The following GAL variants were observed in gnomAD, a reference collection of about 807,000 sequenced individuals.
The protein encoded by GAL is galanin and GMAP prepropeptide.
GAL carries 14 observed loss-of-function variants against 15.8 expected under a neutral mutation model. The ratio of observed to expected loss-of-function variants is 0.89; its 90% CI spans 0.59 to 1.39. The LOEUF is 1.39. Among genes scored for constraint, GAL ranks in the 40% most tolerant of loss-of-function variants. GAL has a pLI of 0.00. For missense variants in GAL, 176 were observed against 170.4 expected, an observed-to-expected ratio of 1.03 and a Z score of -0.18; for synonymous variants, 79 against 73.8, an observed-to-expected ratio of 1.07 and a Z score of -0.36.
At chr11:68,685,903 C>T (rs932410440) in intron 3 of GAL, among the ~76,000 whole-genome samples, 2 of 152,184 alleles carry the variant, frequency 1.3e-5, no homozygotes, top group South Asian at 2.1e-4. Context: ...TGGGCTTTCC[C>T]GCCTTGCAGT....
At chr11:68,685,317 C>T (rs1945841394) in intron 2 of GAL, among the ~76,000 whole-genome samples, 1 of 152,260 alleles carries the variant, frequency 6.6e-6, no homozygotes, top group African/African-American at 2.4e-5. Flanking sequence ...GAATGGAGGG[C>T]TAGGAGCCAC....
chr11:68,688,771 C>T lies in GAL; in HGVS notation c.224-78C>T, dbSNP rs545582028. On this transcript the variant is annotated intron_variant, in intron 4 of 5. Transcript: ENST00000265643. ...TCATTGACCTTGCAGCGCCCAGCTC[C>T]TCTGTAGGGAGGGGGATGACCTGAG... 7 of 763,432 alleles carry T rather than the reference C, an allele frequency of 9.2e-6. No homozygotes were observed. In the South Asian group the frequency reaches 1.0e-4, roughly 11 times the overall value. 47.3% of individuals were successfully genotyped at this position (763,432 alleles called of 1,614,324 possible). A position where few individuals can be genotyped will look rare whatever the true frequency, so the allele number is the denominator to read the frequency against.
Position 68,690,937 on chromosome 11 carries a change from C to T in GAL, c.322C>T (p.Leu108Phe). 3 of 1,613,256 alleles carry T rather than the reference C, an allele frequency of 1.9e-6. No homozygotes were observed. Among genetic ancestry groups the T allele is most frequent in the East Asian group, 2.2e-5 (1 of 44,874 alleles). Residue 108 changes from leucine (L) to phenylalanine (F), a missense_variant, in exon 6 of 6, where the codon CTC (leucine) becomes TTC (phenylalanine). Leu to Phe is a conservative substitution (Grantham distance 22, BLOSUM62 0). Coordinates refer to ENST00000265643, the MANE Select transcript of GAL (RefSeq NM_015973.5). Reference sequence around the variant, plus strand: ...TGCAGAGGCCGGTGCCCTCGACCGCCTCCTGGATCTCCCCGCCGCAGCCTC... The same window carrying T: ...TGCAGAGGCCGGTGCCCTCGACCGCTTCCTGGATCTCCCCGCCGCAGCCTC... ...HLKEAGALDR[L>F]LDLPAAASSE... is the part of the protein sequence containing the mutation.
At chr11:68,689,849 G>A (rs1945888853) in intron 5 of GAL, among the ~76,000 whole-genome samples, 1 of 152,206 alleles carries the variant, frequency 6.6e-6, no homozygotes, top group African/African-American at 2.4e-5. Context: ...CAAACACTGG[G>A]GATGAGGAGA....
chr11:68,686,036 C>G (rs1443867825), intron 3 of GAL, among the ~76,000 whole-genome samples: 1 of 152,208 alleles, frequency 6.6e-6, no homozygotes, highest in Non-Finnish European at 1.5e-5. Flanking sequence ...TTCCCTTTCT[C>G]CAAGCTCCAC....
At chr11:68,687,141 A>G (rs1945861233) in intron 3 of GAL, among the ~76,000 whole-genome samples, 1 of 152,138 alleles carries the variant, frequency 6.6e-6, no homozygotes, top group South Asian at 2.1e-4. Context: ...CTATAAATTT[A>G]GCACCAAGAA....
intron 5 of GAL, among the ~76,000 whole-genome samples, chr11:68,689,445 C>A (rs530949510): frequency 1.4e-3 from 210 of 151,638 alleles, no homozygotes; most frequent in African/African-American, 5.0e-3. Flanking sequence ...CGCCCAGGCT[C>A]GAATGTAGTG....
chr11:68,685,527 G>T, intron 2 of GAL, 67 bp from the exon 3 acceptor site: 1 of 1,080,918 alleles, frequency 9.3e-7, no homozygotes, highest in East Asian at 2.4e-5. Flanking sequence ...GGGAAAGCCT[G>T]GGTGCACCCA....
intron 2 of GAL, 152 bp from the exon 3 acceptor site, chr11:68,685,442 C>T (rs1261249695): frequency 7.7e-6 from 5 of 650,918 alleles, no homozygotes; most frequent in Middle Eastern, 2.5e-4. Flanking sequence ...TCAAATATAG[C>T]CGACTTAGGG....
intron 2 of GAL, 103 bp from the exon 3 acceptor site, chr11:68,685,491 C>A: frequency 2.5e-6 from 2 of 787,458 alleles, no homozygotes; most frequent in Non-Finnish European, 2.3e-6. Flanking sequence ...AAAGCACATG[C>A]ATTGTTCTAA....
At chr11:68,689,509 G>A (rs941632136) in intron 5 of GAL, among the ~76,000 whole-genome samples, 2 of 151,902 alleles carry the variant, frequency 1.3e-5, no homozygotes, top group African/African-American at 4.8e-5. Flanking sequence ...TGATTCTCGT[G>A]CCTCTTCTTC....
At chr11:68,685,979 G>A (rs947411914) in intron 3 of GAL, among the ~76,000 whole-genome samples, 1 of 152,098 alleles carries the variant, frequency 6.6e-6, no homozygotes, top group Non-Finnish European at 1.5e-5. Context: ...CAACTCCTCG[G>A]CTTGCAGAGC....
chr11:68,684,947 G>GCTCGCCTCCCTCCTC lies in GAL; in HGVS notation c.31_45dup (p.Ser11_Ala15dup). 1.2e-6 allele frequency: 2 copies of GCTCGCCTCCCTCCTC among 1,609,074 alleles called. No homozygotes were observed. Among genetic ancestry groups the GCTCGCCTCCCTCCTC allele is most frequent in the African/African-American group, 1.3e-5 (1 of 74,928 alleles). On this transcript the variant is annotated inframe_insertion, in exon 2 of 6. Coordinates refer to ENST00000265643, the MANE Select transcript of GAL (RefSeq NM_015973.5). ...AGATGGCCCGAGGCAGCGCCCTCCT[G>GCTCGCCTCCCTCCTC]CTCGCCTCCCTCCTCCTCGCCGCGG...
rs558795663 is a variant in GAL at position 68,687,938 on chromosome 11, T to C, written c.137-76T>C. On this transcript the variant is annotated intron_variant, in intron 3 of 5. Coordinates refer to ENST00000265643, the MANE Select transcript of GAL (RefSeq NM_015973.5). The stretch of plus-strand genomic sequence containing the variant: ...TGTGTGTGTTGGCTACAGGCAGCCC[T>C]GTGTCCTTCTTTGGGTGTGGGGAGG... 6.0e-5 allele frequency: 53 copies of C among 887,736 alleles called. No individual in the cohort carries two copies. The African/African-American group carries it at 8.5e-4, about 14-fold the overall frequency. 55.0% of individuals were successfully genotyped at this position (887,736 alleles called of 1,614,324 possible).
In GAL at chr11:68,684,902, C is replaced by T. The variant is rs185026810; in HGVS notation, c.1-22C>T. ...CAGCCCACTCCGGGTTCCGACCCGC[C>T]CGCCCTGTCCTTCCCTTCCAGATGG... is the stretch of plus-strand genomic sequence containing the variant. On this transcript the variant is annotated intron_variant, in intron 1 of 5. Coordinates refer to ENST00000265643, the MANE Select transcript of GAL (RefSeq NM_015973.5). 6.5e-3 allele frequency: 10,045 copies of T among 1,540,934 alleles called. 49 individuals carry two copies. The highest frequency in any genetic ancestry group is 8.3e-3 in the Non-Finnish European group (9,353 of 1,121,676).
At chr11:68,686,949 T>C (rs1241793572) in intron 3 of GAL, among the ~76,000 whole-genome samples, 1 of 152,188 alleles carries the variant, frequency 6.6e-6, no homozygotes, top group Non-Finnish European at 1.5e-5. Flanking sequence ...TCGCCATCAA[T>C]TTTACGGCCC....
chr11:68,690,885 T>C, intron 5 of GAL, 32 bp from the exon 6 acceptor site: 2 of 1,464,552 alleles, frequency 1.4e-6, no homozygotes, highest in Non-Finnish European at 1.9e-6. Flanking sequence ...TATTAAGAAG[T>C]TGCTGCTCAG....
At chr11:68,685,059 G>A (rs1411132051) in intron 2 of GAL, 55 bp downstream of exon 2, 8 of 1,202,458 alleles carry the variant, frequency 6.7e-6, no homozygotes, top group Non-Finnish European at 8.4e-6. Context: ...CCGGCCGGGC[G>A]TGGAGGGCTT....
At chr11:68,687,589 A>T (rs1945865638) in intron 3 of GAL, among the ~76,000 whole-genome samples, 2 of 151,764 alleles carry the variant, frequency 1.3e-5, no homozygotes, top group Non-Finnish European at 2.9e-5. Context: ...CACAACTTAA[A>T]CTCTTCAGCG....
Sources: gnomAD v4.1 joint callset for allele counts (sites outside exome capture counted in the v4.1 genomes callset) on GRCh38, gnomAD v4.1.1 for gene constraint, MANE v1.5 for transcripts, NCBI Gene and HGNC (gene_info 2026-07-23, HGNC 2026-07-21) for gene names.